CDH13: variants seen among roughly 807,000 people sequenced by gnomAD.
The protein encoded by CDH13 is cadherin-13.
A neutral mutation model predicts 63.8 loss-of-function variants in CDH13; 24 were observed. The ratio of observed to expected loss-of-function variants is 0.38; its 90% CI spans 0.27 to 0.53. The LOEUF (loss-of-function observed/expected upper bound fraction) is 0.53, where lower values mean the gene tolerates loss of function less well. CDH13 is among the 20% of genes least tolerant of loss of function. The pLI, the probability that CDH13 is intolerant of heterozygous loss-of-function variation, is 0.85. For synonymous variants in CDH13, 503 were observed against 355.3 expected, an observed-to-expected ratio of 1.42 and a Z score of -4.67; for missense variants, 1,049 against 903.1, an observed-to-expected ratio of 1.16 and a Z score of -2.07.
intron 1 of CDH13, among the ~76,000 whole-genome samples, chr16:82,753,186 G>A (rs900992230): frequency 6.6e-6 from 1 of 152,216 alleles, no homozygotes; most frequent in Non-Finnish European, 1.5e-5. Flanking sequence ...GAAGAAGGCA[G>A]AGAGCAGGAG....
chr16:83,420,093 C>A (rs570282463), intron 6 of CDH13, among the ~76,000 whole-genome samples: 142 of 151,824 alleles, frequency 9.4e-4, no homozygotes, highest in Non-Finnish European at 1.8e-3. Context: ...AAAAGATGAG[C>A]AGAATAAAAA....
At chr16:82,860,690 A>G (rs1275398240) in intron 2 of CDH13, among the ~76,000 whole-genome samples, 2 of 152,108 alleles carry the variant, frequency 1.3e-5, no homozygotes, top group Non-Finnish European at 2.9e-5. Context: ...TTTCAAGTTC[A>G]TCTCAAAGCA....
intron 2 of CDH13, among the ~76,000 whole-genome samples, chr16:83,004,869 G>A (rs948438310): frequency 6.6e-6 from 1 of 152,188 alleles, no homozygotes; most frequent in Non-Finnish European, 1.5e-5. Flanking sequence ...GCAGCTTTGT[G>A]ATTCCAAGTA....
intron 2 of CDH13, among the ~76,000 whole-genome samples, chr16:82,863,887 A>AT (rs1441130464): frequency 6.3e-5 from 4 of 63,118 alleles, no homozygotes; most frequent in African/African-American, 3.1e-4. Context: ...ATGAGAGTGT[A>AT]TTTTAAAAAA....
chr16:83,551,379 C>T (rs2075492789), intron 7 of CDH13, among the ~76,000 whole-genome samples: 1 of 152,162 alleles, frequency 6.6e-6, no homozygotes, highest in Non-Finnish European at 1.5e-5. Context: ...ATTCTTTTAA[C>T]ATGTAAGTCT....
At chr16:83,779,850 C>G (rs867287340) in intron 11 of CDH13, 118 bp from the exon 12 acceptor site, 10 of 680,586 alleles carry the variant, frequency 1.5e-5, no homozygotes, top group Non-Finnish European at 2.5e-5. Flanking sequence ...AGAGTGAGAC[C>G]CTGTCTCAAA....
chr16:83,764,385 G>C (rs1380885058), intron 11 of CDH13, among the ~76,000 whole-genome samples: 1 of 152,186 alleles, frequency 6.6e-6, no homozygotes, highest in Non-Finnish European at 1.5e-5. Flanking sequence ...TTTCTACATT[G>C]ATCAGGCAAA....
chr16:83,095,264 C>G (rs983110835), intron 3 of CDH13, among the ~76,000 whole-genome samples: 41 of 151,964 alleles, frequency 2.7e-4, no homozygotes, highest in African/African-American at 9.7e-4. Flanking sequence ...GTTCCCAAAA[C>G]TTTCACCTCA....
intron 3 of CDH13, among the ~76,000 whole-genome samples, chr16:83,062,351 G>A (rs1398846314): frequency 6.6e-6 from 1 of 151,328 alleles, no homozygotes; most frequent in East Asian, 1.9e-4. Flanking sequence ...TTTGTTTTTT[G>A]TCCATCTCCA....
intron 3 of CDH13, among the ~76,000 whole-genome samples, chr16:83,122,576 C>G (rs1367370726): frequency 6.6e-6 from 1 of 152,180 alleles, no homozygotes; most frequent in Non-Finnish European, 1.5e-5. Flanking sequence ...ATACAAGTCT[C>G]CATAATGCCT....
chr16:83,625,931 G>A (rs1055919370), intron 8 of CDH13, among the ~76,000 whole-genome samples: 3 of 152,146 alleles, frequency 2.0e-5, no homozygotes, highest in Non-Finnish European at 4.4e-5. Flanking sequence ...CCAAAGTCAG[G>A]TGTATTGGGG....
At chr16:83,439,427 CAT>C in intron 6 of CDH13, among the ~76,000 whole-genome samples, 1 of 152,258 alleles carries the variant, frequency 6.6e-6, no homozygotes, top group African/African-American at 2.4e-5. Flanking sequence ...TTAGAAAAGA[CAT>C]ATAATTTGGG....
At chr16:82,791,752 C>G (rs1171218362) in intron 1 of CDH13, among the ~76,000 whole-genome samples, 1 of 152,188 alleles carries the variant, frequency 6.6e-6, no homozygotes, top group Non-Finnish European at 1.5e-5. Context: ...AGGCTAAGTG[C>G]CTGGGTTCGT....
intron 5 of CDH13, among the ~76,000 whole-genome samples, chr16:83,314,732 A>T (rs1434940458): frequency 1.3e-5 from 2 of 152,238 alleles, no homozygotes; most frequent in African/African-American, 4.8e-5. Flanking sequence ...TACTGATTTC[A>T]TGGGTACATC....
At chr16:83,479,079 C>G (rs2073689794) in intron 6 of CDH13, among the ~76,000 whole-genome samples, 1 of 152,178 alleles carries the variant, frequency 6.6e-6, no homozygotes, top group African/African-American at 2.4e-5. Flanking sequence ...CGACAGTTTC[C>G]CTATCAATTG....
chr16:83,124,615 G>A (rs2035730946), intron 3 of CDH13, among the ~76,000 whole-genome samples: 1 of 151,554 alleles, frequency 6.6e-6, no homozygotes, highest in South Asian at 2.1e-4. Context: ...TTTTCCTAGG[G>A]TTTCTTCTAG....
intron 7 of CDH13, among the ~76,000 whole-genome samples, chr16:83,591,320 G>A (rs969207296): frequency 6.6e-6 from 1 of 152,212 alleles, no homozygotes; most frequent in Non-Finnish European, 1.5e-5. Context: ...AAAAGCTAAT[G>A]TGGCAAATAG....
At chr16:83,546,573 A>G (rs1388690515) in intron 7 of CDH13, among the ~76,000 whole-genome samples, 1 of 152,086 alleles carries the variant, frequency 6.6e-6, no homozygotes, top group Non-Finnish European at 1.5e-5. Flanking sequence ...GATTGGCGCC[A>G]TGATCGATGA....
chr16:82,900,268 G>A (rs771330569), intron 2 of CDH13, among the ~76,000 whole-genome samples: 3 of 152,182 alleles, frequency 2.0e-5, no homozygotes, highest in Non-Finnish European at 4.4e-5. Context: ...CTTAGAGAAT[G>A]TGAATAAGTG....
Sources: gnomAD v4.1 joint callset for allele counts (sites outside exome capture counted in the v4.1 genomes callset) on GRCh38, gnomAD v4.1.1 for gene constraint, MANE v1.5 for transcripts, NCBI Gene and HGNC (gene_info 2026-07-23, HGNC 2026-07-21) for gene names.